Variants in PLXNC1 observed in about 807,000 individuals in gnomAD.
PLXNC1 encodes the protein plexin C1, also known as plexin-C1.
Under a neutral mutation model 178.2 loss-of-function variants are expected in PLXNC1, and 75 were observed. The ratio of observed to expected loss-of-function variants is 0.42; its 90% confidence interval spans 0.35 to 0.51. The LOEUF (loss-of-function observed/expected upper bound fraction) is 0.51. PLXNC1 is among the 20% of genes least tolerant of loss of function. The pLI is 0.02. For synonymous variants in PLXNC1, 790 were observed against 779.9 expected (o/e 1.01, Z -0.22); for missense variants, 1,503 against 1,984.4 (o/e 0.76, Z 4.61).
rs1565835397 is a variant in PLXNC1 at position 94,259,358 on chromosome 12, T to G, written c.3109T>G (p.Phe1037Val). 1.3e-6 allele frequency: 2 copies of G among 1,596,686 alleles called. No homozygotes were observed. Among genetic ancestry groups the G allele is most frequent in the Non-Finnish European group, 1.7e-6 (2 of 1,174,870 alleles). ...FPESGGFTHI[F>V]TEDMHNRDAN... ...TCAGTCAGGTGGCTTCACCCACATC[T>G]TCACTGAAGATATGCATGTAAGTCT... Residue 1037 changes from phenylalanine (F) to valine (V), a missense_variant, in exon 18 of 31, where the codon TTC (phenylalanine) becomes GTC (valine). Phe to Val is a conservative substitution (Grantham distance 50). Coordinates refer to ENST00000258526, the MANE Select transcript of PLXNC1 (RefSeq NM_005761.3).
rs1330276000 is a variant in PLXNC1, at chr12:94,282,042, G to A, written c.3776-256G>A. 1.0e-5 allele frequency: 4 copies of A among 394,730 alleles called. No individual in the cohort carries two copies. The Admixed American group carries it at 1.2e-4, about 12-fold the overall frequency. 24.5% of individuals were successfully genotyped at this position (394,730 alleles called of 1,614,324 possible). A position where few individuals can be genotyped will look rare whatever the true frequency, so the allele number is the denominator to read the frequency against. On this transcript the variant is annotated intron_variant, in intron 22 of 30. Transcript: ENST00000258526. ...TTGAAGAGCTTAGTCGTCCCTCATAGAATGCATTATTTTGTCTTCAGTGGC... is the reference window on the plus strand; with the variant it reads ...TTGAAGAGCTTAGTCGTCCCTCATAAAATGCATTATTTTGTCTTCAGTGGC...
chr12:94,219,705 A>T (rs1387527377), intron 5 of PLXNC1, among the ~76,000 whole-genome samples: 1 of 152,200 alleles, frequency 6.6e-6, no homozygotes, highest in African/African-American at 2.4e-5. Flanking sequence ...TTGATAAGAA[A>T]AATATACACA....
chr12:94,288,587 G>A (rs936592701), intron 23 of PLXNC1, among the ~76,000 whole-genome samples: 5 of 152,240 alleles, frequency 3.3e-5, no homozygotes, highest in Admixed American at 3.3e-4. Flanking sequence ...AGAACCTTCT[G>A]TGTGATTTGA....
chr12:94,183,324 C>G (rs1253860636), intron 3 of PLXNC1, among the ~76,000 whole-genome samples: 1 of 152,244 alleles, frequency 6.6e-6, no homozygotes, highest in Non-Finnish European at 1.5e-5. Flanking sequence ...ATGGCCACAT[C>G]TTCCCACAGA....
At chr12:94,210,598 C>G (rs1963439908) in intron 5 of PLXNC1, among the ~76,000 whole-genome samples, 2 of 152,144 alleles carry the variant, frequency 1.3e-5, no homozygotes, top group Non-Finnish European at 2.9e-5. Flanking sequence ...AGAGAAATAG[C>G]AAGAACTTTA....
chr12:94,247,976 A>T lies in PLXNC1; in HGVS notation c.2462A>T (p.Asn821Ile). The change falls in exon 13 of 31, where the codon AAT (asparagine) becomes ATT (isoleucine). Residue 821 changes from asparagine to isoleucine, a missense_variant. Coordinates refer to ENST00000258526, the MANE Select transcript of PLXNC1 (RefSeq NM_005761.3). The part of the protein sequence containing the change: ...PSLKSSKVRT[N>I]VTVKLRVQDT... ...TTAAAGAGTTCAAAAGTGCGCACGA[A>T]TGTCACTGTGAAGCTGAGAGTACAA... 2 of 1,614,194 alleles carry T rather than the reference A, an allele frequency of 1.2e-6. No individual in the cohort carries two copies. Among genetic ancestry groups the T allele is most frequent in the Non-Finnish European group, 1.7e-6 (2 of 1,180,018 alleles).
intron 2 of PLXNC1, among the ~76,000 whole-genome samples, chr12:94,180,017 C>G (rs1341782902): frequency 6.6e-6 from 1 of 152,150 alleles, no homozygotes; most frequent in Non-Finnish European, 1.5e-5. Context: ...CATTATACTT[C>G]TCTAGCACTA....
chr12:94,212,128 G>T (rs11107445), intron 5 of PLXNC1, among the ~76,000 whole-genome samples: 1 of 151,786 alleles, frequency 6.6e-6, no homozygotes, highest in Non-Finnish European at 1.5e-5. Context: ...CAAAAAATTA[G>T]CCGGGCGTGG....
Position 94,247,948 on chromosome 12 carries a change from A to G in PLXNC1, c.2434A>G (p.Ser812Gly), listed in dbSNP as rs1173559755. Residue 812 changes from serine to glycine, a missense_variant, in exon 13 of 31, where the codon AGT becomes GGT. Physicochemically the swap from Ser to Gly is moderately conservative, Grantham distance 56 (BLOSUM62 0). Coordinates refer to ENST00000258526, the MANE Select transcript of PLXNC1 (RefSeq NM_005761.3). ...VATYCGFLAP[S>G]LKSSKVRTNV... ...GACTTACTGCGGGTTTTTAGCCCCCAGTTTAAAGAGTTCAAAAGTGCGCAC... is the reference window on the plus strand; with the variant it reads ...GACTTACTGCGGGTTTTTAGCCCCCGGTTTAAAGAGTTCAAAAGTGCGCAC... The G allele has an allele frequency of 1.2e-6, 2 of 1,614,138 alleles. No individual in the cohort carries two copies. The highest frequency in any genetic ancestry group is 1.7e-6 in the Non-Finnish European group (2 of 1,180,020).
chr12:94,229,701 T>C (rs1964038651), intron 9 of PLXNC1, among the ~76,000 whole-genome samples: 1 of 152,232 alleles, frequency 6.6e-6, no homozygotes, highest in African/African-American at 2.4e-5. Context: ...GAAAATCATT[T>C]CACCATATTT....
At chr12:94,198,750 A>C (rs1377479872) in intron 4 of PLXNC1, among the ~76,000 whole-genome samples, 1 of 152,114 alleles carries the variant, frequency 6.6e-6, no homozygotes. Context: ...TAGGATAACC[A>C]TCTCTGCCTT....
At chr12:94,279,787 G>A (rs1173511394) in intron 22 of PLXNC1, 138 bp downstream of exon 22, 1 of 799,090 alleles carries the variant, frequency 1.3e-6, no homozygotes, top group Non-Finnish European at 2.1e-6. Context: ...TTCCTGGAGG[G>A]CATGTCTAGG....
chr12:94,276,534 C>A (rs1965973565), intron 21 of PLXNC1, among the ~76,000 whole-genome samples: 1 of 152,172 alleles, frequency 6.6e-6, no homozygotes, highest in Non-Finnish European at 1.5e-5. Context: ...GTTTGTGGCA[C>A]CAATTGTGCA....
At chr12:94,250,060 A>G (rs1025278572) in intron 14 of PLXNC1, among the ~76,000 whole-genome samples, 1 of 152,110 alleles carries the variant, frequency 6.6e-6, no homozygotes. Context: ...GCCATGGGCT[A>G]TCTGGGGTAG....
intron 17 of PLXNC1, among the ~76,000 whole-genome samples, chr12:94,257,855 C>T (rs4761598): frequency 0.13 from 19,910 of 151,712 alleles, 1,696 homozygotes; most frequent in South Asian, 0.22. Context: ...TGCAGTGAGC[C>T]GAGATAGCGC....
chr12:94,168,555 G>A (rs1000548971), intron 1 of PLXNC1, among the ~76,000 whole-genome samples: 1 of 152,108 alleles, frequency 6.6e-6, no homozygotes, highest in South Asian at 2.1e-4. Flanking sequence ...CTTCAACTTG[G>A]TTCCTCCTTA....
chr12:94,191,967 T>A (rs1267818161), intron 4 of PLXNC1, among the ~76,000 whole-genome samples: 3 of 152,164 alleles, frequency 2.0e-5, no homozygotes, highest in Non-Finnish European at 4.4e-5. Flanking sequence ...TCTCCCATAT[T>A]GCAAAGCATA....
At chr12:94,269,972 C>T (rs553898353) in intron 21 of PLXNC1, among the ~76,000 whole-genome samples, 9 of 152,318 alleles carry the variant, frequency 5.9e-5, no homozygotes, top group African/African-American at 2.2e-4. Flanking sequence ...ACACTTTCTT[C>T]TCATGCCTGT....
rs1964974257 is a variant in PLXNC1, at chr12:94,260,931, A to C, written c.3450+91A>C. On this transcript the variant is annotated intron_variant, in intron 20 of 30. Transcript: ENST00000258526. The surrounding 1 kb of genome is among the most constrained non-coding windows in gnomAD (Gnocchi z 4.4). Reference sequence around the variant, plus strand: ...GATGCCTTTGCCAGGATAAATCCTGAATGCTCGATGGTGTCAGCACTTAAC... The same window carrying C: ...GATGCCTTTGCCAGGATAAATCCTGCATGCTCGATGGTGTCAGCACTTAAC... The C allele has an allele frequency of 1.9e-6, 2 of 1,070,264 alleles. No homozygotes were observed. Among genetic ancestry groups the C allele is most frequent in the East Asian group, 5.1e-5 (2 of 39,304 alleles). 66.3% of individuals were successfully genotyped at this position (1,070,264 alleles called of 1,614,324 possible).
Sources: gnomAD v4.1 joint callset for allele counts (sites outside exome capture counted in the v4.1 genomes callset) on GRCh38, gnomAD v4.1.1 for gene constraint, Gnocchi (gnomAD v3.1) non-coding constraint, MANE v1.5 for transcripts, NCBI Gene and HGNC (gene_info 2026-07-23, HGNC 2026-07-21) for gene names.